PEX14: variants seen among roughly 807,000 people sequenced by gnomAD.
The protein encoded by PEX14 is peroxisomal membrane protein PEX14.
PEX14 carries 15 observed loss-of-function variants against 49.5 expected under a neutral mutation model. The observed-to-expected ratio is 0.30, with a 90% CI of 0.20 to 0.47. The LOEUF is 0.47. PEX14 is among the 20% of genes least tolerant of loss of function. The pLI, the probability that PEX14 is intolerant of heterozygous loss-of-function variation, is 1.00. For missense variants in PEX14, 398 were observed against 494.8 expected (o/e 0.80, Z 1.86); for synonymous variants, 210 against 212.7 (o/e 0.99, Z 0.11).
chr1:10,619,102 C>T (rs896711745), intron 5 of PEX14, among the ~76,000 whole-genome samples: 13 of 152,148 alleles, frequency 8.5e-5, no homozygotes, highest in Non-Finnish European at 5.9e-5. Flanking sequence ...CTTCTCAAGT[C>T]AACTTTCAGG....
chr1:10,499,305 T>C (rs759501938), intron 2 of PEX14, among the ~76,000 whole-genome samples: 1 of 152,222 alleles, frequency 6.6e-6, no homozygotes, highest in Non-Finnish European at 1.5e-5. Context: ...TTTAGCTTTT[T>C]GCTCTTTGAC....
intron 2 of PEX14, among the ~76,000 whole-genome samples, chr1:10,497,073 C>T (rs1641580214): frequency 6.6e-6 from 1 of 152,042 alleles, no homozygotes; most frequent in South Asian, 2.1e-4. Flanking sequence ...TAGACCCTTT[C>T]TCCTTCCCCC....
intron 2 of PEX14, chr1:10,517,051 C>T (rs1279611566): frequency 6.6e-6 from 1 of 152,338 alleles, no homozygotes; most frequent in Admixed American, 6.5e-5. Context: ...AGCCTGCTCC[C>T]TCTGTTGCTT....
At chr1:10,579,514 G>A (rs192164079) in intron 3 of PEX14, among the ~76,000 whole-genome samples, 33 of 152,242 alleles carry the variant, frequency 2.2e-4, no homozygotes, top group Admixed American at 2.1e-3. Context: ...AATTCTGGGC[G>A]AGTCTGCGGT....
At chr1:10,537,860 AAG>A (rs753970546) in intron 3 of PEX14, among the ~76,000 whole-genome samples, 7 of 152,274 alleles carry the variant, frequency 4.6e-5, no homozygotes, top group South Asian at 2.1e-4. Context: ...TGAAAAAAAA[AAG>A]AGAGAGAGAA....
intron 3 of PEX14, among the ~76,000 whole-genome samples, chr1:10,589,921 A>T (rs1304513638): frequency 6.6e-6 from 1 of 152,194 alleles, no homozygotes; most frequent in Non-Finnish European, 1.5e-5. Flanking sequence ...CAGTCTTAAT[A>T]ACTTTGCCAA....
intron 7 of PEX14, among the ~76,000 whole-genome samples, chr1:10,625,558 A>G (rs1475391483): frequency 6.6e-6 from 1 of 152,142 alleles, no homozygotes; most frequent in African/African-American, 2.4e-5. Context: ...TCCAAACCAC[A>G]CACAGAGGTG....
chr1:10,477,783 G>A (rs1245852252), intron 1 of PEX14, among the ~76,000 whole-genome samples: 2 of 152,098 alleles, frequency 1.3e-5, no homozygotes, highest in African/African-American at 2.4e-5. Context: ...ATGTCATCTC[G>A]GACAGATCTA....
intron 4 of PEX14, among the ~76,000 whole-genome samples, 180 bp downstream of exon 4, chr1:10,599,546 T>C (rs1428263002): frequency 6.6e-6 from 1 of 152,230 alleles, no homozygotes; most frequent in Non-Finnish European, 1.5e-5. Flanking sequence ...CTTTTTAAAG[T>C]ATGTGACAAA....
chr1:10,509,166 T>G (rs1417181956), intron 2 of PEX14, among the ~76,000 whole-genome samples: 1 of 152,072 alleles, frequency 6.6e-6, no homozygotes, highest in Non-Finnish European at 1.5e-5. Context: ...GCCAGGATGG[T>G]CTCAATCTCC....
chr1:10,479,737 A>C (rs945980216), intron 1 of PEX14, among the ~76,000 whole-genome samples: 1 of 152,204 alleles, frequency 6.6e-6, no homozygotes, highest in Non-Finnish European at 1.5e-5. Flanking sequence ...ATGGCTTCGC[A>C]TCCTGGCAGG....
At position 10,577,562 on chromosome 1, in the gene PEX14, ATTTT is replaced by A. The variant is rs1164876121; in HGVS notation, c.170-21631_170-21628del. On this transcript the variant is annotated intron_variant, in intron 3 of 8. Transcript: ENST00000356607. The stretch of plus-strand genomic sequence containing the variant: ...TATATATATATATATATATATATAT[ATTTT>A]TTTTTTTTTTTTTTTTTTTTTTTTT... 4.8e-4 allele frequency among the ~76,000 whole-genome samples: 3 copies of A among 6,230 alleles called. 1 individual carries two copies. The highest frequency in any genetic ancestry group is 1.4e-3 in the African/African-American group (3 of 2,158). The allele number at this position is 6,230 out of a possible 152,430, so 4.1% of individuals were successfully genotyped here.
Position 10,628,566 on chromosome 1 carries a change from G to A in PEX14, c.678-965G>A, listed in dbSNP as rs1182749760. Among the ~76,000 whole-genome samples, 1 of 152,292 alleles carries A rather than the reference G, an allele frequency of 6.6e-6. No homozygotes were observed. The highest frequency in any genetic ancestry group is 2.4e-5 in the African/African-American group (1 of 41,480). On this transcript the variant is annotated intron_variant, in intron 8 of 8. Transcript: ENST00000356607. The surrounding 1 kb of genome is among the most constrained non-coding windows in gnomAD (Gnocchi z 4.5). ...GCAGAGGCCAGAGCATTGTCATTAG[G>A]AGACAGCCTCCATTTTCCCTAACCG...
At chr1:10,551,588 T>C (rs1293863049) in intron 3 of PEX14, among the ~76,000 whole-genome samples, 1 of 152,114 alleles carries the variant, frequency 6.6e-6, no homozygotes, top group Non-Finnish European at 1.5e-5. Context: ...AATTACTCTG[T>C]TTGTTTTGGG....
intron 3 of PEX14, among the ~76,000 whole-genome samples, chr1:10,591,361 G>A (rs1175080378): frequency 6.7e-6 from 1 of 149,630 alleles, no homozygotes; most frequent in Non-Finnish European, 1.5e-5. Context: ...TCCTAGACTT[G>A]GCTTGTATCT....
chr1:10,500,369 G>A (rs1641651443), intron 2 of PEX14, among the ~76,000 whole-genome samples: 1 of 82,608 alleles, frequency 1.2e-5, no homozygotes, highest in Admixed American at 2.2e-4. Context: ...GCCAGATTCT[G>A]TCTCAAAAAA....
chr1:10,580,504 C>T (rs920047907), intron 3 of PEX14, among the ~76,000 whole-genome samples: 7 of 152,012 alleles, frequency 4.6e-5, no homozygotes, highest in Admixed American at 2.6e-4. Context: ...GGGTTACAGG[C>T]GTGAGCCACT....
At chr1:10,536,351 G>C in intron 3 of PEX14, 54 bp downstream of exon 3, 1 of 1,065,580 alleles carries the variant, frequency 9.4e-7, no homozygotes, top group Non-Finnish European at 1.5e-6. Flanking sequence ...TGGGGCTGGG[G>C]CAGATGGAAG....
At chr1:10,489,115 G>A (rs1429395541) in intron 1 of PEX14, among the ~76,000 whole-genome samples, 1 of 152,094 alleles carries the variant, frequency 6.6e-6, no homozygotes, top group African/African-American at 2.4e-5. Context: ...CAAGTAGCTG[G>A]GATTACAGGC....
Sources: gnomAD v4.1 joint callset for allele counts (sites outside exome capture counted in the v4.1 genomes callset) on GRCh38, gnomAD v4.1.1 for gene constraint, Gnocchi (gnomAD v3.1) non-coding constraint, MANE v1.5 for transcripts, NCBI Gene and HGNC (gene_info 2026-07-23, HGNC 2026-07-21) for gene names.